The following BTN1A1 variants were observed in gnomAD, a reference collection of about 807,000 sequenced individuals.
BTN1A1 encodes bK14H9.2 (butyrophilin, subfamily 1, member A1).
In BTN1A1, 26 loss-of-function variants were observed where a neutral mutation model predicts 33.1. The observed-to-expected ratio is 0.79, with a 90% confidence interval of 0.58 to 1.09. The LOEUF is 1.09. Among genes scored for constraint, BTN1A1 ranks in the 50% least tolerant of loss-of-function variants. The pLI, the probability that BTN1A1 is intolerant of heterozygous loss-of-function variation, is 0.00. For missense variants in BTN1A1, 558 were observed against 655.7 expected, an observed-to-expected ratio of 0.85 and a Z score of 1.63; for synonymous variants, 235 against 256.2, an observed-to-expected ratio of 0.92 and a Z score of 0.79.
rs200894167 is a variant in BTN1A1 at position 26,501,551 on chromosome 6, A to G, written c.80-39A>G. 9.2e-5 allele frequency: 148 copies of G among 1,606,680 alleles called. No homozygotes were observed. The Admixed American group carries it at 2.2e-3, about 23-fold the overall frequency. Reference sequence around the variant, plus strand: ...TGGTCGGTGTCTGTCCGTAGTTCCCATCTCCACATCCCGTCTGATCCCGCT... The same window carrying G: ...TGGTCGGTGTCTGTCCGTAGTTCCCGTCTCCACATCCCGTCTGATCCCGCT... On this transcript the variant is annotated intron_variant, in intron 2 of 7. Transcript: ENST00000684113. The surrounding 1 kb of genome is among the most constrained non-coding windows in gnomAD (Gnocchi z 5.2).
rs1210100457 is a variant in BTN1A1, at chr6:26,508,871, A to G, written c.1278A>G (p.Leu426=). Residue 426 remains leucine, a synonymous_variant, in exon 8 of 8, where the codon CTA becomes CTG. Coordinates refer to ENST00000684113, the MANE Select transcript of BTN1A1 (RefSeq NM_001732.3). Reference sequence around the variant, plus strand: ...CCCCACGCCGGGTTGGGATTTTCCTAGACTATGAATCAGGAGACATCTCCT... The same window carrying G: ...CCCCACGCCGGGTTGGGATTTTCCTGGACTATGAATCAGGAGACATCTCCT... ...AGPPRRVGIF[L]DYESGDISFY... 3.6e-5 allele frequency: 58 copies of G among 1,614,166 alleles called. No individual in the cohort carries two copies. The highest frequency in any genetic ancestry group is 4.8e-5 in the Non-Finnish European group (57 of 1,180,026).
rs759372315 is a variant in BTN1A1, at chr6:26,501,605, T to C, written c.95T>C (p.Ile32Thr). Reference protein sequence around the residue: ...PKLDSAPFDVIGPPEPILAVV... With the variant: ...PKLDSAPFDVTGPPEPILAVV... Reference sequence around the variant, plus strand: ...TTTTCGGCAGCTCCCTTTGACGTGATTGGACCCCCGGAGCCCATCCTGGCC... The same window carrying C: ...TTTTCGGCAGCTCCCTTTGACGTGACTGGACCCCCGGAGCCCATCCTGGCC... Residue 32 changes from isoleucine to threonine, a missense_variant, in exon 3 of 8, where the codon ATT becomes ACT. Physicochemically the swap from Ile to Thr is moderately conservative, Grantham distance 89. Transcript: ENST00000684113. The surrounding 1 kb of genome is among the most constrained non-coding windows in gnomAD (Gnocchi z 5.2). 21 of 1,613,542 alleles carry C rather than the reference T, an allele frequency of 1.3e-5. No homozygotes were observed. The highest frequency in any genetic ancestry group is 1.4e-5 in the Non-Finnish European group (17 of 1,179,894).
At chr6:26,507,175 C>T (rs549611790) in intron 5 of BTN1A1, among the ~76,000 whole-genome samples, 1 of 152,050 alleles carries the variant, frequency 6.6e-6, no homozygotes, top group East Asian at 1.9e-4. Flanking sequence ...AAGCCGAGAT[C>T]GTGCCATTGC....
intron 3 of BTN1A1, among the ~76,000 whole-genome samples, chr6:26,503,659 T>A (rs1390672808): frequency 7.0e-6 from 1 of 143,480 alleles, no homozygotes; most frequent in Non-Finnish European, 1.5e-5. Context: ...ATGCATATAT[T>A]ATATATATAT....
intron 5 of BTN1A1, 130 bp from the exon 6 acceptor site, chr6:26,507,820 T>A: frequency 4.3e-6 from 4 of 936,270 alleles, no homozygotes; most frequent in Non-Finnish European, 6.6e-6. Flanking sequence ...CTTGATTTAT[T>A]GGCAATGCTT....
At position 26,504,946 on chromosome 6, in the gene BTN1A1, T is replaced by A. The variant is rs763215426; in HGVS notation, c.449T>A (p.Ile150Asn). ...KVAALGSDPHISMQVQENGEI... is the reference protein window; with the variant it reads ...KVAALGSDPHNSMQVQENGEI... ...ATAGCTCTGGGCTCTGACCCTCACA[T>A]CAGTATGCAAGTTCAAGAGAATGGA... Residue 150 changes from isoleucine (I) to asparagine (N), a missense_variant, in exon 4 of 8, where the codon ATC (isoleucine) becomes AAC (asparagine). Transcript: ENST00000684113. The A allele has an allele frequency of 3.0e-5, 49 of 1,613,972 alleles. No individual in the cohort carries two copies. Among genetic ancestry groups the A allele is most frequent in the Non-Finnish European group, 2.9e-5 (34 of 1,180,024 alleles).
rs770527176 is a variant in BTN1A1, at chr6:26,501,578, G to C, written c.80-12G>C. Reference sequence around the variant, plus strand: ...CTCCACATCCCGTCTGATCCCGCTCGTTTTTCGGCAGCTCCCTTTGACGTG... The same window carrying C: ...CTCCACATCCCGTCTGATCCCGCTCCTTTTTCGGCAGCTCCCTTTGACGTG... On this transcript the variant is annotated splice_polypyrimidine_tract_variant and intron_variant, in intron 2 of 7. Coordinates refer to ENST00000684113, the MANE Select transcript of BTN1A1 (RefSeq NM_001732.3). The surrounding 1 kb of genome is among the most constrained non-coding windows in gnomAD (Gnocchi z 5.2). The C allele has an allele frequency of 1.2e-6, 2 of 1,611,868 alleles. No individual in the cohort carries two copies. Among genetic ancestry groups the C allele is most frequent in the Non-Finnish European group, 1.7e-6 (2 of 1,178,496 alleles).
At position 26,506,777 on chromosome 6, in the gene BTN1A1, T is replaced by C. The variant is rs1164235032; in HGVS notation, c.804T>C (p.Thr268=). 1.2e-6 allele frequency: 2 copies of C among 1,614,100 alleles called. No individual in the cohort carries two copies. Among genetic ancestry groups the C allele is most frequent in the Non-Finnish European group, 1.7e-6 (2 of 1,180,004 alleles). The change falls in exon 5 of 8, where the codon ACT becomes ACC. Residue 268 remains threonine, a synonymous_variant. Coordinates refer to ENST00000684113, the MANE Select transcript of BTN1A1 (RefSeq NM_001732.3). ...GLLTIGSIFF[T]WRLYNERPRE... Reference sequence around the variant, plus strand: ...TCACCATTGGGTCCATATTTTTCACTTGGAGACTATACAACGAAAGACCCA... The same window carrying C: ...TCACCATTGGGTCCATATTTTTCACCTGGAGACTATACAACGAAAGACCCA...
At chr6:26,502,587 G>T (rs562535665) in intron 3 of BTN1A1, among the ~76,000 whole-genome samples, 1 of 152,216 alleles carries the variant, frequency 6.6e-6, no homozygotes, top group African/African-American at 2.4e-5. Context: ...CAATAATAGG[G>T]TAAGCATTTC....
chr6:26,509,089 C>T lies in BTN1A1; in HGVS notation c.1496C>T (p.Pro499Leu), dbSNP rs745723915. The T allele has an allele frequency of 5.6e-6, 9 of 1,614,110 alleles. No individual in the cohort carries two copies. The highest frequency in any genetic ancestry group is 3.3e-5 in the South Asian group (3 of 91,074). The change falls in exon 8 of 8, where the codon CCC becomes CTC. Residue 499 changes from proline to leucine, a missense_variant. Physicochemically the swap from Pro to Leu is moderately conservative, Grantham distance 98. Coordinates refer to ENST00000684113, the MANE Select transcript of BTN1A1 (RefSeq NM_001732.3). The stretch of plus-strand genomic sequence containing the variant: ...CTTTCTAAGGAGATCCCATTGTCCC[C>T]CATGGGGGAGGACTCTGCCCCTAGG... ...QDLSKEIPLS[P>L]MGEDSAPRDA...
In BTN1A1 at chr6:26,501,918, G is replaced by C. The variant is rs1482355994; in HGVS notation, c.408G>C (p.Leu136=). Residue 136 remains leucine, a synonymous_variant, in exon 3 of 8, where the codon CTG becomes CTC. Transcript: ENST00000684113. This position sits in a 1 kb window ranked among gnomAD's most constrained non-coding sequence, Gnocchi z 5.2. ...FREDGSYEEA[L]VHLKVAALGS... ...AGGATGGAAGCTACGAAGAAGCCCT[G>C]GTGCATCTGAAGGTGGCTGGTGAGT... is the stretch of plus-strand genomic sequence containing the variant. The C allele has an allele frequency of 6.3e-7, 1 of 1,579,310 alleles. No individual in the cohort carries two copies. Among genetic ancestry groups the C allele is most frequent in the African/African-American group, 1.3e-5 (1 of 74,126 alleles).
At position 26,501,593 on chromosome 6, in the gene BTN1A1, C is replaced by G. The variant is rs1160929374; in HGVS notation, c.83C>G (p.Pro28Arg). The stretch of plus-strand genomic sequence containing the variant: ...GATCCCGCTCGTTTTTCGGCAGCTC[C>G]CTTTGACGTGATTGGACCCCCGGAG... The part of the protein sequence containing the change: ...LLQLPKLDSA[P>R]FDVIGPPEPI... The change falls in exon 3 of 8, where the codon CCC (proline) becomes CGC (arginine). Residue 28 changes from proline (P) to arginine (R), a missense_variant. Pro to Arg is a moderately radical substitution (Grantham distance 103). Coordinates refer to ENST00000684113, the MANE Select transcript of BTN1A1 (RefSeq NM_001732.3). This position sits in a 1 kb window ranked among gnomAD's most constrained non-coding sequence, Gnocchi z 5.2. 1.9e-6 allele frequency: 3 copies of G among 1,613,444 alleles called. No individual in the cohort carries two copies.
Position 26,501,383 on chromosome 6 carries a change from T to C in BTN1A1, c.79+18T>C. 1.9e-6 allele frequency: 3 copies of C among 1,605,604 alleles called. No individual in the cohort carries two copies. The highest frequency in any genetic ancestry group is 1.3e-5 in the African/African-American group (1 of 74,802). On this transcript the variant is annotated intron_variant, in intron 2 of 7. Coordinates refer to ENST00000684113, the MANE Select transcript of BTN1A1 (RefSeq NM_001732.3). This position sits in a 1 kb window ranked among gnomAD's most constrained non-coding sequence, Gnocchi z 5.2. ...GGATTCAGGTAAGTCTCTCTCTCTCTCTGGGCTGCATAGTTGAAATATATC... is the reference window on the plus strand; with the variant it reads ...GGATTCAGGTAAGTCTCTCTCTCTCCCTGGGCTGCATAGTTGAAATATATC...
chr6:26,500,663 T>G (rs972968705), intron 1 of BTN1A1, among the ~76,000 whole-genome samples: 1 of 152,212 alleles, frequency 6.6e-6, no homozygotes, highest in African/African-American at 2.4e-5. Context: ...ACGCCTGTAA[T>G]CCCAGCACTT....
At chr6:26,502,043 T>C in intron 3 of BTN1A1, 106 bp downstream of exon 3, 2 of 1,385,064 alleles carry the variant, frequency 1.4e-6, no homozygotes, top group Non-Finnish European at 1.9e-6. Context: ...AAATCTCTTT[T>C]AGGTTGATGT....
rs1473919198 is a variant in BTN1A1, at chr6:26,509,754, GC to G, written c.*584del. On this transcript the variant is annotated 3_prime_UTR_variant, in exon 8 of 8. Transcript: ENST00000684113. ...ACGTCCTATAGGACAGAGGAGACTG[GC>G]CCCACTTCTATGGGTCTGAGCTGTG... is the stretch of plus-strand genomic sequence containing the variant. 1 of 153,098 alleles carries G rather than the reference GC, an allele frequency of 6.5e-6. No homozygotes were observed. The highest frequency in any genetic ancestry group is 2.4e-5 in the African/African-American group (1 of 41,444). The allele number at this position is 153,098 out of a possible 1,614,324, so 9.5% of individuals were successfully genotyped here.
At chr6:26,502,624 G>T (rs1763818266) in intron 3 of BTN1A1, among the ~76,000 whole-genome samples, 1 of 152,084 alleles carries the variant, frequency 6.6e-6, no homozygotes, top group Non-Finnish European at 1.5e-5. Flanking sequence ...ATACATATAA[G>T]AGTTATATAA....
intron 7 of BTN1A1, 91 bp from the exon 8 acceptor site, chr6:26,508,410 A>G: frequency 2.1e-6 from 3 of 1,406,134 alleles, no homozygotes; most frequent in Non-Finnish European, 2.9e-6. Flanking sequence ...GTCAACTCCT[A>G]CAACAGTGTT....
rs142160399 is a variant in BTN1A1, at chr6:26,505,154, C to A, written c.657C>A (p.Tyr219Ter). The change falls in exon 4 of 8, where the codon TAC becomes TAA. Residue 219 changes from tyrosine to a stop codon, truncating the protein, a stop_gained. Transcript: ENST00000684113. LOFTEE classifies it high-confidence loss of function. ...RDTSAKNVSC[Y>*]IQNLLLGQEK... Reference sequence around the variant, plus strand: ...CTTCTGCGAAAAATGTGTCCTGCTACATCCAGAATCTCCTTCTTGGCCAGG... The same window carrying A: ...CTTCTGCGAAAAATGTGTCCTGCTAAATCCAGAATCTCCTTCTTGGCCAGG... 17 of 1,613,894 alleles carry A rather than the reference C, an allele frequency of 1.1e-5. No individual in the cohort carries two copies. Among genetic ancestry groups the A allele is most frequent in the Non-Finnish European group, 1.4e-5 (16 of 1,179,768 alleles).
Sources: gnomAD v4.1 joint callset for allele counts (sites outside exome capture counted in the v4.1 genomes callset) on GRCh38, gnomAD v4.1.1 for gene constraint, Gnocchi (gnomAD v3.1) non-coding constraint, MANE v1.5 for transcripts, NCBI Gene and HGNC (gene_info 2026-07-23, HGNC 2026-07-21) for gene names.